AMPH: variants seen among roughly 807,000 people sequenced by gnomAD.
AMPH encodes amphiphysin (Stiff-Mann syndrome with breast cancer 128kD autoantigen).
A neutral mutation model predicts 99.1 loss-of-function variants in AMPH; 49 were observed. The observed-to-expected ratio is 0.49, with a 90% confidence interval of 0.39 to 0.63. AMPH has a LOEUF of 0.63. Ranked by LOEUF, AMPH falls within the 20% of genes least tolerant of loss-of-function variation. AMPH has a pLI of 0.00. For synonymous variants in AMPH, 314 were observed against 317.3 expected (o/e 0.99, Z 0.11); for missense variants, 759 against 863.4 (o/e 0.88, Z 1.52).
chr7:38,443,109 T>C (rs989493211), intron 11 of AMPH, among the ~76,000 whole-genome samples: 2 of 152,030 alleles, frequency 1.3e-5, no homozygotes, highest in African/African-American at 4.8e-5. Context: ...CCAAATACAT[T>C]TGGCAATTTA....
At chr7:38,529,995 A>G (rs577897272) in intron 2 of AMPH, among the ~76,000 whole-genome samples, 1 of 152,330 alleles carries the variant, frequency 6.6e-6, no homozygotes, top group African/African-American at 2.4e-5. Context: ...ATATGTACAT[A>G]TACCAGGTTC....
intron 5 of AMPH, among the ~76,000 whole-genome samples, chr7:38,487,625 C>T (rs1209546649): frequency 2.6e-5 from 4 of 151,840 alleles, no homozygotes; most frequent in African/African-American, 4.8e-5. Context: ...AAAGACTGCA[C>T]GACTAAAACA....
intron 5 of AMPH, among the ~76,000 whole-genome samples, chr7:38,482,991 C>T (rs1161918150): frequency 6.6e-6 from 1 of 152,060 alleles, no homozygotes; most frequent in East Asian, 1.9e-4. Context: ...TAACCCTTGG[C>T]AAGTGCAAAT....
chr7:38,530,083 T>G (rs1236273388), intron 2 of AMPH, among the ~76,000 whole-genome samples: 1 of 152,188 alleles, frequency 6.6e-6, no homozygotes. Flanking sequence ...AAAAATGTAC[T>G]CCAGGAATGC....
chr7:38,630,973 T>C (rs1394820355), intron 1 of AMPH, among the ~76,000 whole-genome samples: 1 of 152,058 alleles, frequency 6.6e-6, no homozygotes, highest in Non-Finnish European at 1.5e-5. Flanking sequence ...CCTACTTCTG[T>C]TGCCTGGCTT....
intron 1 of AMPH, among the ~76,000 whole-genome samples, chr7:38,562,583 A>G (rs1412289839): frequency 6.6e-6 from 1 of 152,096 alleles, no homozygotes; most frequent in African/African-American, 2.4e-5. Flanking sequence ...GGTAAGACTC[A>G]CAGTCTCAGC....
At chr7:38,477,063 C>T in intron 5 of AMPH, 94 bp from the exon 6 acceptor site, 1 of 1,035,830 alleles carries the variant, frequency 9.7e-7, no homozygotes, top group South Asian at 1.4e-5. Context: ...TTGGCCAGAG[C>T]TGCTGAGGAT....
chr7:38,433,657 G>A (rs1584085184), intron 12 of AMPH, among the ~76,000 whole-genome samples: 1 of 85,424 alleles, frequency 1.2e-5, no homozygotes, highest in Non-Finnish European at 2.2e-5. Flanking sequence ...CCCGGGAGGC[G>A]GAGCTTGCAG....
intron 1 of AMPH, among the ~76,000 whole-genome samples, chr7:38,590,973 T>G (rs1562848544): frequency 6.6e-6 from 1 of 152,348 alleles, no homozygotes; most frequent in Middle Eastern, 3.4e-3. Context: ...ACTAAATTAA[T>G]ACACTAATAT....
At chr7:38,625,346 T>A (rs954596581) in intron 1 of AMPH, among the ~76,000 whole-genome samples, 2 of 152,150 alleles carry the variant, frequency 1.3e-5, no homozygotes, top group Non-Finnish European at 2.9e-5. Flanking sequence ...ATTTGACATA[T>A]CTGATGAAGC....
At chr7:38,556,279 T>C (rs1318664402) in intron 1 of AMPH, among the ~76,000 whole-genome samples, 3 of 151,980 alleles carry the variant, frequency 2.0e-5, no homozygotes, top group Non-Finnish European at 4.4e-5. Flanking sequence ...CTAAAGAAAA[T>C]ACTAGCCGAA....
chr7:38,406,322 C>G (rs1784982502), intron 17 of AMPH, among the ~76,000 whole-genome samples: 1 of 151,854 alleles, frequency 6.6e-6, no homozygotes, highest in Non-Finnish European at 1.5e-5. Flanking sequence ...AAAATAAGAA[C>G]AAACCAAACC....
In AMPH at chr7:38,571,172, T is replaced by TA. The variant is rs1457360101; in HGVS notation, c.70-36162_70-36161insT. ...TTATGAATATATATATTTTTATATA[T>TA]TTTTATATATGAATATATATATTTA... On this transcript the variant is annotated intron_variant, in intron 1 of 20. Transcript: ENST00000356264. Among the ~76,000 whole-genome samples, 10 of 96,030 alleles carry TA rather than the reference T, an allele frequency of 1.0e-4. No individual in the cohort carries two copies. The East Asian group carries it at 1.4e-3, about 14-fold the overall frequency. 63.0% of individuals were successfully genotyped at this position (96,030 alleles called of 152,430 possible).
intron 2 of AMPH, among the ~76,000 whole-genome samples, chr7:38,532,905 A>G (rs960931939): frequency 1.3e-5 from 2 of 152,220 alleles, no homozygotes; most frequent in Non-Finnish European, 2.9e-5. Flanking sequence ...GCAAAGAATT[A>G]ATTAGCTCCA....
intron 11 of AMPH, among the ~76,000 whole-genome samples, chr7:38,448,099 G>A (rs1236904813): frequency 6.6e-6 from 1 of 152,168 alleles, no homozygotes; most frequent in African/African-American, 2.4e-5. Flanking sequence ...TTCTAACAGT[G>A]AGTAAAGTTT....
chr7:38,508,716 T>G (rs879031773), intron 2 of AMPH, among the ~76,000 whole-genome samples: 2 of 152,186 alleles, frequency 1.3e-5, no homozygotes, highest in African/African-American at 4.8e-5. Flanking sequence ...TTTTGGCCTT[T>G]GATGACATTT....
At chr7:38,421,012 A>G (rs1785562162) in intron 16 of AMPH, 1 of 456,516 alleles carries the variant, frequency 2.2e-6, no homozygotes, top group Non-Finnish European at 4.4e-6. Flanking sequence ...GTTCACTGTG[A>G]TTTCCTAGAT....
intron 3 of AMPH, 105 bp from the exon 4 acceptor site, chr7:38,494,632 C>A (rs906799118): frequency 2.1e-5 from 21 of 984,836 alleles, no homozygotes; most frequent in Non-Finnish European, 3.3e-5. Context: ...ACTTGCTAAA[C>A]ATTTAAGGAA....
intron 1 of AMPH, among the ~76,000 whole-genome samples, chr7:38,586,806 T>C (rs1354026971): frequency 2.6e-5 from 4 of 152,250 alleles, no homozygotes; most frequent in Non-Finnish European, 1.5e-5. Context: ...GCACTTTACA[T>C]GTCTTCTCTT....
Sources: gnomAD v4.1 joint callset for allele counts (sites outside exome capture counted in the v4.1 genomes callset) on GRCh38, gnomAD v4.1.1 for gene constraint, MANE v1.5 for transcripts, NCBI Gene and HGNC (gene_info 2026-07-23, HGNC 2026-07-21) for gene names.